Variants in NRCAM observed in about 807,000 individuals in gnomAD.
NRCAM encodes NgCAM-related cell adhesion molecule.
A neutral mutation model predicts 156.5 loss-of-function variants in NRCAM; 83 were observed. The ratio of observed to expected loss-of-function variants is 0.53; its 90% CI spans 0.44 to 0.64. The LOEUF (loss-of-function observed/expected upper bound fraction) is 0.64. NRCAM is among the 30% of genes least tolerant of loss of function. NRCAM has a pLI of 0.00. For synonymous variants in NRCAM, 538 were observed against 563.9 expected (o/e 0.95, Z 0.65); for missense variants, 1,417 against 1,597.3 (o/e 0.89, Z 1.92).
intron 3 of NRCAM, among the ~76,000 whole-genome samples, chr7:108,260,659 G>C (rs1182564324): frequency 6.6e-6 from 1 of 152,166 alleles, no homozygotes; most frequent in Non-Finnish European, 1.5e-5. Flanking sequence ...GTGGGCATTA[G>C]TGGAGTCTGC....
intron 2 of NRCAM, among the ~76,000 whole-genome samples, chr7:108,336,964 G>A (rs1176545722): frequency 6.6e-6 from 1 of 152,030 alleles, no homozygotes. Context: ...TTGCATTATA[G>A]TGAAAAACTG....
At chr7:108,185,339 C>A (rs1586989211) in intron 20 of NRCAM, among the ~76,000 whole-genome samples, 1 of 152,134 alleles carries the variant, frequency 6.6e-6, no homozygotes, top group Non-Finnish European at 1.5e-5. Flanking sequence ...GTATTATTTG[C>A]AATTGAAACA....
chr7:108,355,978 G>A (rs1022818645), intron 2 of NRCAM, among the ~76,000 whole-genome samples: 8 of 147,330 alleles, frequency 5.4e-5, no homozygotes, highest in African/African-American at 2.0e-4. Context: ...GTCTCGCTCT[G>A]TTGCCCAAGC....
At chr7:108,447,889 A>G (rs1351735461) in intron 1 of NRCAM, among the ~76,000 whole-genome samples, 1 of 152,232 alleles carries the variant, frequency 6.6e-6, no homozygotes, top group African/African-American at 2.4e-5. Context: ...ACTATTCTCC[A>G]TTAGCCAGGC....
At chr7:108,376,849 C>T (rs1405947130) in intron 2 of NRCAM, among the ~76,000 whole-genome samples, 2 of 152,094 alleles carry the variant, frequency 1.3e-5, no homozygotes, top group Non-Finnish European at 2.9e-5. Context: ...ACACTGAAAA[C>T]CGACAGTTAA....
chr7:108,165,129 A>G (rs1013442444), intron 30 of NRCAM, among the ~76,000 whole-genome samples: 3 of 152,252 alleles, frequency 2.0e-5, no homozygotes, highest in Non-Finnish European at 2.9e-5. Context: ...AACCACATGC[A>G]GCCTGCAGGG....
chr7:108,350,369 C>T (rs1004823567), intron 2 of NRCAM, among the ~76,000 whole-genome samples: 1 of 152,184 alleles, frequency 6.6e-6, no homozygotes, highest in Non-Finnish European at 1.5e-5. Context: ...TGACTCTTTA[C>T]TCATCAGGTT....
intron 3 of NRCAM, among the ~76,000 whole-genome samples, chr7:108,283,715 T>C (rs2097950933): frequency 6.6e-6 from 1 of 152,206 alleles, no homozygotes; most frequent in African/African-American, 2.4e-5. Flanking sequence ...TGCTACCTTC[T>C]TTTCAGTGTT....
Position 108,446,873 on chromosome 7 carries a change from G to A in NRCAM, c.-332+9370C>T, listed in dbSNP as rs113896701. On this transcript the variant is annotated intron_variant, in intron 1 of 32. Transcript: ENST00000379028. ...CTCCTGAGTAGCTGGGATTACAGAC[G>A]CCCACCACCACACCTGGCTCATTTT... is the stretch of plus-strand genomic sequence containing the variant. Among the ~76,000 whole-genome samples, 1,131 of 150,288 alleles carry A rather than the reference G, an allele frequency of 7.5e-3. 10 individuals are homozygous for A. The highest frequency in any genetic ancestry group is 0.027 in the African/African-American group (1,091 of 40,836).
At chr7:108,389,355 CTGTT>C (rs57358022) in intron 2 of NRCAM, among the ~76,000 whole-genome samples, 38,049 of 151,554 alleles carry the variant, frequency 0.25, 4,956 homozygotes, top group Non-Finnish European at 0.28. Flanking sequence ...ATTTGGCTCT[CTGTT>C]TGTTATTGGT....
chr7:108,301,649 A>C (rs996492118), intron 3 of NRCAM, among the ~76,000 whole-genome samples: 4 of 152,192 alleles, frequency 2.6e-5, no homozygotes, highest in African/African-American at 9.7e-5. Flanking sequence ...GTAGAAGGGA[A>C]ATTAGATAAT....
At chr7:108,292,828 A>G (rs1390257815) in intron 3 of NRCAM, among the ~76,000 whole-genome samples, 1 of 152,194 alleles carries the variant, frequency 6.6e-6, no homozygotes, top group Non-Finnish European at 1.5e-5. Context: ...AGCTGTTGTT[A>G]TTTTAACTGG....
Position 108,440,641 on chromosome 7 carries a change from T to A in NRCAM, c.-332+15602A>T, listed in dbSNP as rs7799312. On this transcript the variant is annotated intron_variant, in intron 1 of 32. Transcript: ENST00000379028. ...ACAATCTAAAGGTAACTCTACTGAT[T>A]GCTCTGCTAGGGAGTGGCTCCATTT... Among the ~76,000 whole-genome samples the A allele has an allele frequency of 7.1e-3, 1,076 of 152,310 alleles. 12 individuals carry two copies. Among genetic ancestry groups the A allele is most frequent in the African/African-American group, 0.025 (1,033 of 41,578 alleles).
Position 108,163,907 on chromosome 7 carries a change from G to A in NRCAM, c.3466+3014C>T, listed in dbSNP as rs446589. 3.7e-4 allele frequency among the ~76,000 whole-genome samples: 3 copies of A among 8,166 alleles called. 1 individual carries two copies. The highest frequency in any genetic ancestry group is 1.0e-3 in the African/African-American group (2 of 1,924). 5.4% of individuals were successfully genotyped at this position (8,166 alleles called of 152,430 possible). Reference sequence around the variant, plus strand: ...AGGTCATACCGGGTGGGGTGGGGTAGTGAGAGGTCATACCGGGTGGGGTGG... The same window carrying A: ...AGGTCATACCGGGTGGGGTGGGGTAATGAGAGGTCATACCGGGTGGGGTGG... On this transcript the variant is annotated intron_variant, in intron 30 of 32. Transcript: ENST00000379028.
In NRCAM at chr7:108,177,548, G is replaced by C. The variant is rs369657990; in HGVS notation, c.2974+442C>G. ...TGACGGAGGAGAATGGTGTGAACTC[G>C]GGAGATGGAGCTTGCAGTGAGCCAA... On this transcript the variant is annotated intron_variant, in intron 26 of 32. Coordinates refer to ENST00000379028, the MANE Select transcript of NRCAM (RefSeq NM_001037132.4). 1.6e-3 allele frequency among the ~76,000 whole-genome samples: 250 copies of C among 151,864 alleles called. 1 individual carries two copies. Among genetic ancestry groups the C allele is most frequent in the African/African-American group, 5.5e-3 (228 of 41,330 alleles).
intron 3 of NRCAM, among the ~76,000 whole-genome samples, chr7:108,304,615 T>C (rs2098688209): frequency 2.0e-5 from 3 of 152,292 alleles, no homozygotes; most frequent in Non-Finnish European, 4.4e-5. Context: ...ATCTTATTTG[T>C]ACCAATGAGA....
At chr7:108,408,155 T>A (rs963269274) in intron 1 of NRCAM, among the ~76,000 whole-genome samples, 1 of 152,194 alleles carries the variant, frequency 6.6e-6, no homozygotes, top group Non-Finnish European at 1.5e-5. Context: ...GAGACTTCCT[T>A]TAATGATTCA....
chr7:108,328,772 T>A (rs1382756799), intron 2 of NRCAM: 1 of 152,236 alleles, frequency 6.6e-6, no homozygotes, highest in Non-Finnish European at 1.5e-5. Context: ...TTCAAGAAAG[T>A]AACTGCCATA....
intron 4 of NRCAM, 30 bp downstream of exon 4, chr7:108,239,929 G>T: frequency 7.1e-7 from 1 of 1,417,658 alleles, no homozygotes; most frequent in African/African-American, 1.4e-5. Context: ...TGACTCCTGG[G>T]CCTAACAGCT....
Sources: gnomAD v4.1 joint callset for allele counts (sites outside exome capture counted in the v4.1 genomes callset) on GRCh38, gnomAD v4.1.1 for gene constraint, MANE v1.5 for transcripts, NCBI Gene and HGNC (gene_info 2026-07-23, HGNC 2026-07-21) for gene names.